The following KCNV1 variants were observed in gnomAD, a reference collection of about 807,000 sequenced individuals.
KCNV1 encodes the protein potassium voltage-gated channel subfamily V member 1.
Under a neutral mutation model 36.4 loss-of-function variants are expected in KCNV1, and 2 were observed. The observed-to-expected ratio is 0.05, with a 90% CI of 0.02 to 0.17. The LOEUF (loss-of-function observed/expected upper bound fraction) is 0.17, where lower values mean the gene tolerates loss of function less well. Among genes scored for constraint, KCNV1 ranks in the 10% least tolerant of loss-of-function variants. The pLI is 1.00. For missense variants in KCNV1, 321 were observed against 643.6 expected (o/e 0.50, Z 5.42); for synonymous variants, 280 against 261.1 (o/e 1.07, Z -0.70).
In KCNV1 at chr8:109,972,246, A is replaced by T; in HGVS notation, c.991+12T>A. The T allele has an allele frequency of 6.4e-7, 1 of 1,558,396 alleles. No homozygotes were observed. The highest frequency in any genetic ancestry group is 8.7e-7 in the Non-Finnish European group (1 of 1,154,520). On this transcript the variant is annotated intron_variant, in intron 3 of 3. Transcript: ENST00000524391. The surrounding 1 kb of genome is among the most constrained non-coding windows in gnomAD (Gnocchi z 5.2). ...AATGGCAAATTAAAAGGCATCAGTG[A>T]AATGTGAATACCTGTGGAATGTCTG...
chr8:109,973,896 C>A, intron 2 of KCNV1, 32 bp downstream of exon 2: 1 of 1,526,758 alleles, frequency 6.5e-7, no homozygotes, highest in Middle Eastern at 2.0e-4. Flanking sequence ...GCGCCCGCCT[C>A]CCCGCCCAGC....
In KCNV1 at chr8:109,965,676, A is replaced by G. The variant is rs1271658366; in HGVS notation, c.*2412T>C. On this transcript the variant is annotated 3_prime_UTR_variant, in exon 4 of 4. Coordinates refer to ENST00000524391, the MANE Select transcript of KCNV1 (RefSeq NM_014379.4). ...CTAAAGATAATATATTTTTAATCTA[A>G]TAATGACTATAAGGTGTCACCACAG... 6.6e-6 allele frequency: 1 copy of G among 152,220 alleles called. No individual in the cohort carries two copies. The highest frequency in any genetic ancestry group is 2.4e-5 in the African/African-American group (1 of 41,466). The allele number at this position is 152,220 out of a possible 1,614,324, so 9.4% of individuals were successfully genotyped here. A position where few individuals can be genotyped will look rare whatever the true frequency, so the allele number is the denominator to read the frequency against.
chr8:109,964,101 T>C lies in KCNV1; in HGVS notation c.*3987A>G, dbSNP rs529057913. 2 of 151,610 alleles carry C rather than the reference T, an allele frequency of 1.3e-5. No individual in the cohort carries two copies. Among genetic ancestry groups the C allele is most frequent in the Non-Finnish European group, 2.9e-5 (2 of 67,946 alleles). 9.4% of individuals were successfully genotyped at this position (151,610 alleles called of 1,614,324 possible). A position where few individuals can be genotyped will look rare whatever the true frequency, so the allele number is the denominator to read the frequency against. On this transcript the variant is annotated 3_prime_UTR_variant, in exon 4 of 4. Transcript: ENST00000524391. ...GGGGAAAATATTTGCAAACTATACA[T>C]CTACAAAAGTCTAATATTCCAGCAT...
rs928863369 is a variant in KCNV1 at position 109,965,856 on chromosome 8, C to A, written c.*2232G>T. ...AGGAAGAATGAAATCTGCAATTTGA[C>A]TTTTAGGAGTGTCGTTTTCCGGGTC... is the stretch of plus-strand genomic sequence containing the variant. On this transcript the variant is annotated 3_prime_UTR_variant, in exon 4 of 4. Transcript: ENST00000524391. The A allele has an allele frequency of 6.6e-6, 1 of 152,164 alleles. No individual in the cohort carries two copies. Among genetic ancestry groups the A allele is most frequent in the Non-Finnish European group, 1.5e-5 (1 of 68,034 alleles). 9.4% of individuals were successfully genotyped at this position (152,164 alleles called of 1,614,324 possible).
rs1459376952 is a variant in KCNV1, at chr8:109,964,452, CT to C, written c.*3635del. ...GAGAGTGTGGCAATTCCTCAAAGAC[CT>C]AAAAACAGAAATACCACTGGATCCA... is the stretch of plus-strand genomic sequence containing the variant. On this transcript the variant is annotated 3_prime_UTR_variant, in exon 4 of 4. Transcript: ENST00000524391. 1.3e-5 allele frequency: 2 copies of C among 152,062 alleles called. No individual in the cohort carries two copies. Among genetic ancestry groups the C allele is most frequent in the African/African-American group, 4.8e-5 (2 of 41,386 alleles). 9.4% of individuals were successfully genotyped at this position (152,062 alleles called of 1,614,324 possible).
Position 109,974,166 on chromosome 8 carries a change from A to T in KCNV1, c.223T>A (p.Tyr75Asn), listed in dbSNP as rs751534416. The T allele has an allele frequency of 6.2e-7, 1 of 1,601,474 alleles. No individual in the cohort carries two copies. The highest frequency in any genetic ancestry group is 2.3e-5 in the East Asian group (1 of 44,358). ...LGKLAVVVASYRRPGALAAVP... is the reference protein window; with the variant it reads ...LGKLAVVVASNRRPGALAAVP... ...GCGGCCAGGGCCCCGGGGCGGCGGT[A>T]GGAAGCCACCACCACGGCCAGCTTG... Residue 75 changes from tyrosine (Y) to asparagine (N), a missense_variant, in exon 2 of 4, where the codon TAC becomes AAC. Coordinates refer to ENST00000524391, the MANE Select transcript of KCNV1 (RefSeq NM_014379.4). This position sits in a 1 kb window ranked among gnomAD's most constrained non-coding sequence, Gnocchi z 6.2.
intron 2 of KCNV1, 130 bp downstream of exon 2, chr8:109,973,798 A>C: frequency 3.1e-6 from 1 of 327,436 alleles, no homozygotes. Flanking sequence ...GTCAGCCCAG[A>C]AGTGGCCACA....
chr8:109,971,688 T>G (rs1820013174), intron 3 of KCNV1, among the ~76,000 whole-genome samples: 2 of 152,052 alleles, frequency 1.3e-5, no homozygotes, highest in African/African-American at 2.4e-5. Context: ...TTAATTAGTT[T>G]ATTTTGCTTT....
Position 109,972,116 on chromosome 8 carries a change from C to T in KCNV1, c.991+142G>A. ...ACTTCAATGTTTTGCCTCCCAATAT[C>T]TCCTTAGAGGTCATGATCAGGTAAA... On this transcript the variant is annotated intron_variant, in intron 3 of 3. Coordinates refer to ENST00000524391, the MANE Select transcript of KCNV1 (RefSeq NM_014379.4). This position sits in a 1 kb window ranked among gnomAD's most constrained non-coding sequence, Gnocchi z 5.2. The T allele has an allele frequency of 6.1e-6, 5 of 817,532 alleles. No individual in the cohort carries two copies. Among genetic ancestry groups the T allele is most frequent in the Non-Finnish European group, 9.1e-6 (5 of 551,576 alleles). 50.6% of individuals were successfully genotyped at this position (817,532 alleles called of 1,614,324 possible).
At chr8:109,975,463 A>G (rs569377008) in intron 1 of KCNV1, among the ~76,000 whole-genome samples, 156 bp downstream of exon 1, 7 of 152,240 alleles carry the variant, frequency 4.6e-5, no homozygotes, top group Admixed American at 3.3e-4. Context: ...GAATTTAAAT[A>G]GTAACGACGG....
Position 109,974,881 on chromosome 8 carries a change from T to A in KCNV1, c.-493A>T. The stretch of plus-strand genomic sequence containing the variant: ...AAGAGGAGAGAAGATGACTCTTAGC[T>A]GAACGCAAGCAAGCAAGCAAGCAAG... On this transcript the variant is annotated 5_prime_UTR_variant, in exon 2 of 4. Transcript: ENST00000524391. The surrounding 1 kb of genome is among the most constrained non-coding windows in gnomAD (Gnocchi z 6.2). 1 of 160,906 alleles carries A rather than the reference T, an allele frequency of 6.2e-6. No homozygotes were observed. The highest frequency in any genetic ancestry group is 1.4e-5 in the Non-Finnish European group (1 of 73,706). The allele number at this position is 160,906 out of a possible 1,614,324, so 10.0% of individuals were successfully genotyped here.
chr8:109,973,872 T>C (rs1278170234), intron 2 of KCNV1, 56 bp downstream of exon 2: 6 of 1,209,256 alleles, frequency 5.0e-6, no homozygotes, highest in Admixed American at 2.5e-5. Context: ...TGTGCCTTCC[T>C]CTCTTTCTCT....
In KCNV1 at chr8:109,975,170, C is replaced by G. The variant is rs540970131; in HGVS notation, c.-782G>C. On this transcript the variant is annotated 5_prime_UTR_variant, in exon 2 of 4. Transcript: ENST00000524391. ...TCACTGACGCTCCATTTTCTTCCGC[C>G]GTCTCCCTTAGGTTCTGACCTCCTG... is the stretch of plus-strand genomic sequence containing the variant. 1 of 152,176 alleles carries G rather than the reference C, an allele frequency of 6.6e-6. No individual in the cohort carries two copies. The highest frequency in any genetic ancestry group is 2.1e-4 in the South Asian group (1 of 4,812). 9.4% of individuals were successfully genotyped at this position (152,176 alleles called of 1,614,324 possible). A position where few individuals can be genotyped will look rare whatever the true frequency, so the allele number is the denominator to read the frequency against.
Position 109,973,934 on chromosome 8 carries a change from C to T in KCNV1, c.455G>A (p.Arg152Lys). 6.2e-7 allele frequency: 1 copy of T among 1,600,696 alleles called. No homozygotes were observed. The highest frequency in any genetic ancestry group is 1.1e-5 in the South Asian group (1 of 89,428). Residue 152 changes from arginine (R) to lysine (K), a missense_variant, in exon 2 of 4, where the codon AGG (arginine) becomes AAG (lysine). By Grantham distance (26) the Arg-to-Lys change is conservative. This residue lies in a region of KCNV1 where 60 missense variants were observed against 160.5 expected (regional missense o/e 0.37). Transcript: ENST00000524391. ...IDELSIDSCC[R>K]DRYFRRKELS... is the part of the protein sequence containing the mutation. The stretch of plus-strand genomic sequence containing the variant: ...CCGCGTGCCTCCGGGGTACCTGTCC[C>T]TGCAGCAGGAATCGATGCTGAGCTC...
intron 2 of KCNV1, among the ~76,000 whole-genome samples, chr8:109,973,401 C>G (rs1820036328): frequency 6.6e-6 from 1 of 152,126 alleles, no homozygotes; most frequent in African/African-American, 2.4e-5. Context: ...GCAGGTGGAA[C>G]TTTTTTGTGT....
At position 109,972,627 on chromosome 8, in the gene KCNV1, C is replaced by A. The variant is rs991689826; in HGVS notation, c.622G>T (p.Ala208Ser). 1.2e-6 allele frequency: 2 copies of A among 1,614,182 alleles called. No individual in the cohort carries two copies. The highest frequency in any genetic ancestry group is 1.7e-6 in the Non-Finnish European group (2 of 1,180,038). The change falls in exon 3 of 4, where the codon GCT becomes TCT. Residue 208 changes from alanine (A) to serine (S), a missense_variant. Ala to Ser is a moderately conservative substitution (Grantham distance 99). Around this residue, in one of 5 missense-constraint regions of KCNV1, gnomAD observed 141 missense variants for 225.0 expected, o/e 0.63. Coordinates refer to ENST00000524391, the MANE Select transcript of KCNV1 (RefSeq NM_014379.4). This position sits in a 1 kb window ranked among gnomAD's most constrained non-coding sequence, Gnocchi z 5.2. ...GAGATGACGCCAAAGATACGGGCAGCTGTGGAAGATCCAGGTTTCTCCAGG... is the reference window on the plus strand; with the variant it reads ...GAGATGACGCCAAAGATACGGGCAGATGTGGAAGATCCAGGTTTCTCCAGG... ...NILEKPGSST[A>S]ARIFGVISII... is the part of the protein sequence containing the mutation.
rs1357214535 is a variant in KCNV1, at chr8:109,967,782, C to T, written c.*306G>A. The T allele has an allele frequency of 4.5e-6, 1 of 224,108 alleles. No homozygotes were observed. The highest frequency in any genetic ancestry group is 8.8e-6 in the Non-Finnish European group (1 of 113,698). The allele number at this position is 224,108 out of a possible 1,614,324, so 13.9% of individuals were successfully genotyped here. On this transcript the variant is annotated 3_prime_UTR_variant, in exon 4 of 4. Coordinates refer to ENST00000524391, the MANE Select transcript of KCNV1 (RefSeq NM_014379.4). ...TTCTAATGTTAGTGATACATAAAAT[C>T]TTTAACTTTTTTGTATGTATTGCAA... is the stretch of plus-strand genomic sequence containing the variant.
chr8:109,972,330 C>T lies in KCNV1; in HGVS notation c.919G>A (p.Val307Met), dbSNP rs553228200. Residue 307 changes from valine to methionine, a missense_variant, in exon 3 of 4, where the codon GTG becomes ATG. This residue lies in a region of KCNV1 where 141 missense variants were observed against 225.0 expected (regional missense o/e 0.63). Coordinates refer to ENST00000524391, the MANE Select transcript of KCNV1 (RefSeq NM_014379.4). This position sits in a 1 kb window ranked among gnomAD's most constrained non-coding sequence, Gnocchi z 5.2. ...CTCAACACCTGGACAATGCGCCCCA[C>T]GTTCTCCAGCTCCTGCGTGGTCTGG... is the stretch of plus-strand genomic sequence containing the variant. ...GSQTTQELEN[V>M]GRIVQVLRLL... The T allele has an allele frequency of 3.1e-6, 5 of 1,614,100 alleles. No individual in the cohort carries two copies. The highest frequency in any genetic ancestry group is 2.7e-5 in the African/African-American group (2 of 75,056).
Position 109,972,593 on chromosome 8 carries a change from A to G in KCNV1, c.656T>C (p.Phe219Ser). The G allele has an allele frequency of 6.2e-7, 1 of 1,614,184 alleles. No homozygotes were observed. Among genetic ancestry groups the G allele is most frequent in the Non-Finnish European group, 8.5e-7 (1 of 1,180,044 alleles). Residue 219 changes from phenylalanine (F) to serine (S), a missense_variant, in exon 3 of 4, where the codon TTC becomes TCC. Around this residue, in one of 5 missense-constraint regions of KCNV1, gnomAD observed 141 missense variants for 225.0 expected, o/e 0.63. Transcript: ENST00000524391. This position sits in a 1 kb window ranked among gnomAD's most constrained non-coding sequence, Gnocchi z 5.2. The part of the protein sequence containing the change: ...ARIFGVISII[F>S]VVVSIINMAL... ...CATGTTAATGATGGACACCACCACG[A>G]AGATAATGGAGATGACGCCAAAGAT...
Sources: allele counts gnomAD v4.1 joint callset (sites outside exome capture counted in the v4.1 genomes callset), GRCh38; gene constraint gnomAD v4.1.1; regional missense constraint gnomAD v4.1.1; non-coding constraint Gnocchi (gnomAD v3.1); transcripts MANE v1.5; gene names NCBI Gene and HGNC (gene_info 2026-07-23, HGNC 2026-07-21).